Variants in PDE4B observed in about 807,000 individuals in gnomAD.
The protein encoded by PDE4B is phosphodiesterase 4B.
In PDE4B, 20 loss-of-function variants were observed where a neutral mutation model predicts 82.2. The ratio of observed to expected loss-of-function variants is 0.24; its 90% CI spans 0.17 to 0.35. The LOEUF (loss-of-function observed/expected upper bound fraction) is 0.35, where lower values mean the gene tolerates loss of function less well. PDE4B is among the 10% of genes least tolerant of loss of function. The probability of loss-of-function intolerance (pLI) is 1.00; values close to 1 mark genes in which losing one functional copy is unlikely to be tolerated. For synonymous variants in PDE4B, 320 were observed against 318.9 expected (o/e 1.00, Z -0.04); for missense variants, 655 against 907.2 (o/e 0.72, Z 3.57).
chr1:66,063,690 T>C (rs1188176371), intron 3 of PDE4B, among the ~76,000 whole-genome samples: 1 of 151,956 alleles, frequency 6.6e-6, no homozygotes, highest in African/African-American at 2.4e-5. Flanking sequence ...TTTTAAAAAC[T>C]TAGGTTATAA....
intron 3 of PDE4B, among the ~76,000 whole-genome samples, chr1:66,208,275 G>T (rs1649726685): frequency 6.6e-6 from 1 of 152,136 alleles, no homozygotes; most frequent in South Asian, 2.1e-4. Flanking sequence ...GATATTGGTT[G>T]CTTTTATTTT....
In PDE4B at chr1:65,851,472, G is replaced by A. The variant is rs188210970; in HGVS notation, c.-71+58224G>A. Among the ~76,000 whole-genome samples, 3 of 152,018 alleles carry A rather than the reference G, an allele frequency of 2.0e-5. No homozygotes were observed. The East Asian group carries it at 5.8e-4, about 29-fold the overall frequency. Reference sequence around the variant, plus strand: ...CTTAGTCTTATGATTAATGAACATTGTATGTTTCTCTATTTATTTAGGTCT... The same window carrying A: ...CTTAGTCTTATGATTAATGAACATTATATGTTTCTCTATTTATTTAGGTCT... On this transcript the variant is annotated intron_variant, in intron 1 of 16. Transcript: ENST00000341517.
Position 66,161,045 on chromosome 1 carries a change from A to C in PDE4B, c.282-86415A>C, listed in dbSNP as rs527390848. On this transcript the variant is annotated intron_variant, in intron 3 of 16. Transcript: ENST00000341517. The stretch of plus-strand genomic sequence containing the variant: ...CCAGAAACAACCAGTCTTCTGGAAG[A>C]TGAAAGGCATTTTTTTTTTCCTTGA... Among the ~76,000 whole-genome samples the C allele has an allele frequency of 1.8e-3, 157 of 84,934 alleles. 1 individual carries two copies. The highest frequency in any genetic ancestry group is 6.1e-3 in the African/African-American group (153 of 25,286). The allele number at this position is 84,934 out of a possible 152,430, so 55.7% of individuals were successfully genotyped here.
chr1:65,843,196 GTA>G (rs944580294), intron 1 of PDE4B, among the ~76,000 whole-genome samples: 73 of 152,142 alleles, frequency 4.8e-4, no homozygotes, highest in Non-Finnish European at 9.4e-4. Context: ...TATATAGGAG[GTA>G]TACTCAGGAA....
At chr1:66,031,144 T>C (rs2489920) in intron 3 of PDE4B, among the ~76,000 whole-genome samples, 145,813 of 152,308 alleles carry the variant, frequency 0.96, 69,819 homozygotes, top group East Asian at 0.98. Flanking sequence ...TAAAATAAAT[T>C]GTACAAAAAA....
At chr1:66,206,338 T>A (rs1006993581) in intron 3 of PDE4B, among the ~76,000 whole-genome samples, 1 of 152,062 alleles carries the variant, frequency 6.6e-6, no homozygotes, top group South Asian at 2.1e-4. Context: ...CAGGAGAGTG[T>A]CTAGGCTGGA....
At chr1:65,812,540 A>G (rs1039981852) in intron 1 of PDE4B, among the ~76,000 whole-genome samples, 3 of 152,188 alleles carry the variant, frequency 2.0e-5, no homozygotes, top group Non-Finnish European at 4.4e-5. Context: ...GTAAAATGTC[A>G]GGGTGGAAAT....
At position 66,017,424 on chromosome 1, in the gene PDE4B, T is replaced by C. The variant is rs570294667; in HGVS notation, c.281+98589T>C. On this transcript the variant is annotated intron_variant, in intron 3 of 16. Coordinates refer to ENST00000341517, the MANE Select transcript of PDE4B (RefSeq NM_002600.4). Reference sequence around the variant, plus strand: ...AAGGCCAAAATATAACATGTAGTTATGACAGTCAGGGTTTATTTAGCATTT... The same window carrying C: ...AAGGCCAAAATATAACATGTAGTTACGACAGTCAGGGTTTATTTAGCATTT... Among the ~76,000 whole-genome samples, 27 of 152,358 alleles carry C rather than the reference T, an allele frequency of 1.8e-4. No individual in the cohort carries two copies. The South Asian group carries it at 5.2e-3, about 29-fold the overall frequency.
chr1:66,013,154 G>C (rs905976074), intron 3 of PDE4B, among the ~76,000 whole-genome samples: 1 of 152,078 alleles, frequency 6.6e-6, no homozygotes, highest in African/African-American at 2.4e-5. Context: ...TGCACACTTT[G>C]TGTAACTCTC....
At chr1:66,028,443 C>T (rs1354453913) in intron 3 of PDE4B, among the ~76,000 whole-genome samples, 2 of 152,134 alleles carry the variant, frequency 1.3e-5, no homozygotes, top group Non-Finnish European at 2.9e-5. Flanking sequence ...TCTGATGTGG[C>T]CTGGAGACAT....
At chr1:66,090,621 A>ATGTGTGTGTGTG (rs146947689) in intron 3 of PDE4B, among the ~76,000 whole-genome samples, 27,362 of 121,752 alleles carry the variant, frequency 0.22, 3,835 homozygotes, top group Middle Eastern at 0.31. Context: ...TATATAATAT[A>ATGTGTGTGTGTG]TGTGTGTGTG....
chr1:66,281,509 T>C (rs1403840343), intron 7 of PDE4B, among the ~76,000 whole-genome samples: 1 of 152,204 alleles, frequency 6.6e-6, no homozygotes, highest in Non-Finnish European at 1.5e-5. Context: ...TAGACATATG[T>C]AGGAAGTTTA....
intron 6 of PDE4B, among the ~76,000 whole-genome samples, chr1:66,258,476 A>G (rs1654430306): frequency 6.6e-6 from 1 of 152,198 alleles, no homozygotes; most frequent in Non-Finnish European, 1.5e-5. Context: ...TTTCGAATCT[A>G]TGAGCTTAAG....
intron 1 of PDE4B, among the ~76,000 whole-genome samples, chr1:65,886,211 ATAT>A (rs1646774576): frequency 6.6e-6 from 1 of 152,126 alleles, no homozygotes; most frequent in South Asian, 2.1e-4. Flanking sequence ...AAACTAGAAA[ATAT>A]TATACAAACT....
intron 1 of PDE4B, among the ~76,000 whole-genome samples, chr1:65,841,185 C>A (rs571454354): frequency 1.8e-4 from 28 of 152,156 alleles, no homozygotes; most frequent in African/African-American, 6.7e-4. Context: ...GTAATCCCAG[C>A]TGCTCTGGAG....
chr1:66,279,908 G>A (rs1430992386), intron 7 of PDE4B, among the ~76,000 whole-genome samples: 1 of 152,020 alleles, frequency 6.6e-6, no homozygotes, highest in African/African-American at 2.4e-5. Flanking sequence ...ATTGATTGTA[G>A]ATGTTAACCA....
At chr1:65,998,467 A>G (rs773350101) in intron 3 of PDE4B, among the ~76,000 whole-genome samples, 8 of 151,980 alleles carry the variant, frequency 5.3e-5, no homozygotes, top group Admixed American at 1.3e-4. Context: ...TATTATTTTT[A>G]TTTTGGAAAG....
intron 3 of PDE4B, among the ~76,000 whole-genome samples, chr1:65,940,300 T>TG (rs1648373865): frequency 6.6e-6 from 1 of 151,620 alleles, no homozygotes; most frequent in South Asian, 2.1e-4. Flanking sequence ...GAATGGAGAA[T>TG]GGAAAGCGCG....
At chr1:65,997,543 C>G (rs886364390) in intron 3 of PDE4B, among the ~76,000 whole-genome samples, 1 of 152,186 alleles carries the variant, frequency 6.6e-6, no homozygotes, top group African/African-American at 2.4e-5. Flanking sequence ...CTGTATTATA[C>G]AACTTAGTCC....
Sources: allele counts gnomAD v4.1 joint callset (sites outside exome capture counted in the v4.1 genomes callset), GRCh38; gene constraint gnomAD v4.1.1; transcripts MANE v1.5; gene names NCBI Gene and HGNC (gene_info 2026-07-23, HGNC 2026-07-21).